PHLPP1: variants seen among roughly 807,000 people sequenced by gnomAD.
PHLPP1 encodes PH domain and leucine rich repeat protein phosphatase 1.
Under a neutral mutation model 117.2 loss-of-function variants are expected in PHLPP1, and 42 were observed. The observed-to-expected ratio is 0.36, with a 90% CI of 0.28 to 0.46. The LOEUF is 0.46. Ranked by LOEUF, PHLPP1 falls within the 20% of genes least tolerant of loss-of-function variation. PHLPP1 has a pLI of 1.00. For missense variants in PHLPP1, 2,084 were observed against 2,241.9 expected (o/e 0.93, Z 1.42); for synonymous variants, 1,042 against 970.7 (o/e 1.07, Z -1.37).
chr18:62,817,394 C>A (rs990337415), intron 1 of PHLPP1, among the ~76,000 whole-genome samples: 1 of 152,026 alleles, frequency 6.6e-6, no homozygotes, highest in African/African-American at 2.4e-5. Flanking sequence ...TAAATACATA[C>A]GTATGTGAAT....
chr18:62,749,646 C>A (rs890757578), intron 1 of PHLPP1, among the ~76,000 whole-genome samples: 1 of 152,206 alleles, frequency 6.6e-6, no homozygotes. Flanking sequence ...CCACCTTCTC[C>A]CTTTGTCCTC....
At chr18:62,765,947 G>A (rs1480486549) in intron 1 of PHLPP1, among the ~76,000 whole-genome samples, 5 of 149,510 alleles carry the variant, frequency 3.3e-5, no homozygotes, top group African/African-American at 1.2e-4. Flanking sequence ...GCAGTGAGCC[G>A]AGATTGCGCC....
At chr18:62,916,605 G>GTGTGTGT (rs1909283535) in intron 9 of PHLPP1, among the ~76,000 whole-genome samples, 1 of 145,768 alleles carries the variant, frequency 6.9e-6, no homozygotes, top group African/African-American at 2.5e-5. Context: ...CAAGAGGGTG[G>GTGTGTGT]GTGTGTGTGT....
At position 62,806,001 on chromosome 18, in the gene PHLPP1, A is replaced by G. The variant is rs141650216; in HGVS notation, c.1577-24034A>G. On this transcript the variant is annotated intron_variant, in intron 1 of 16. Transcript: ENST00000262719. ...TTAAAAGTTCTCTTTTAATAGAAGT[A>G]ATGGTTGTTCTGTTTCTTTTGTAGT... Among the ~76,000 whole-genome samples the G allele has an allele frequency of 5.4e-3, 817 of 152,260 alleles. 12 individuals are homozygous for G. Among genetic ancestry groups the G allele is most frequent in the African/African-American group, 0.018 (768 of 41,548 alleles).
intron 14 of PHLPP1, among the ~76,000 whole-genome samples, chr18:62,964,129 G>A (rs1910842232): frequency 6.6e-6 from 1 of 152,094 alleles, no homozygotes; most frequent in African/African-American, 2.4e-5. Flanking sequence ...ACCTAGACAG[G>A]TAAAGAATCC....
chr18:62,956,562 G>A (rs1910616202), intron 12 of PHLPP1, among the ~76,000 whole-genome samples: 1 of 152,018 alleles, frequency 6.6e-6, no homozygotes, highest in South Asian at 2.1e-4. Flanking sequence ...GAAATGTAAT[G>A]AAATTGCACC....
intron 4 of PHLPP1, among the ~76,000 whole-genome samples, chr18:62,876,566 G>C (rs1265309003): frequency 6.6e-6 from 1 of 152,042 alleles, no homozygotes; most frequent in Non-Finnish European, 1.5e-5. Context: ...CTGAATTGTT[G>C]GTTTTCCCAC....
At chr18:62,918,763 G>A (rs1599120356) in intron 9 of PHLPP1, among the ~76,000 whole-genome samples, 1 of 151,938 alleles carries the variant, frequency 6.6e-6, no homozygotes, top group East Asian at 1.9e-4. Context: ...AAGTTCAAGA[G>A]ACCTATTGCG....
rs916328254 is a variant in PHLPP1, at chr18:62,972,170, G to A, written c.3561-344G>A. Among the ~76,000 whole-genome samples, 4 of 152,336 alleles carry A rather than the reference G, an allele frequency of 2.6e-5. No individual in the cohort carries two copies. In the East Asian group the frequency reaches 5.8e-4, roughly 22 times the overall value. On this transcript the variant is annotated intron_variant, in intron 14 of 16. Transcript: ENST00000262719. Reference sequence around the variant, plus strand: ...TCTATTTTGGCTGGATGTGGAGATTGTGGTTAATAACTGCTTATTGAATGT... The same window carrying A: ...TCTATTTTGGCTGGATGTGGAGATTATGGTTAATAACTGCTTATTGAATGT...
chr18:62,719,175 C>T (rs566872091), intron 1 of PHLPP1, among the ~76,000 whole-genome samples: 2 of 152,262 alleles, frequency 1.3e-5, no homozygotes, highest in South Asian at 4.1e-4. Context: ...TACATATACT[C>T]AGATGTGTGG....
intron 1 of PHLPP1, among the ~76,000 whole-genome samples, chr18:62,818,479 G>C (rs1307294739): frequency 1.3e-5 from 2 of 152,146 alleles, no homozygotes; most frequent in African/African-American, 4.8e-5. Flanking sequence ...AGTGAGCCAA[G>C]ATTGCGTCAC....
intron 1 of PHLPP1, among the ~76,000 whole-genome samples, chr18:62,739,487 C>A (rs1027565248): frequency 6.6e-6 from 1 of 151,916 alleles, no homozygotes; most frequent in Non-Finnish European, 1.5e-5. Flanking sequence ...TACAACAGTT[C>A]ATTGATTGGT....
intron 1 of PHLPP1, among the ~76,000 whole-genome samples, chr18:62,765,592 T>C (rs1444193280): frequency 6.6e-6 from 1 of 152,208 alleles, no homozygotes; most frequent in Non-Finnish European, 1.5e-5. Context: ...TCTCAGCATA[T>C]TGCAGTCTAT....
At chr18:62,932,175 C>T (rs1016345952) in intron 10 of PHLPP1, among the ~76,000 whole-genome samples, 13 of 152,056 alleles carry the variant, frequency 8.5e-5, no homozygotes, top group African/African-American at 3.1e-4. Flanking sequence ...AATTCACATC[C>T]GAATTCTACC....
Position 62,945,222 on chromosome 18 carries a change from C to G in PHLPP1, c.3275C>G (p.Ser1092Cys), listed in dbSNP as rs919812205. The G allele has an allele frequency of 5.0e-6, 8 of 1,611,298 alleles. No individual in the cohort carries two copies. The highest frequency in any genetic ancestry group is 6.8e-6 in the Non-Finnish European group (8 of 1,178,940). ...CRRMHTVIAH[S>C]NCIEVFPEVM... ...CGCATGCACACCGTGATTGCTCACT[C>G]CAACTGCATCGAGGTCTTTCCCGAA... The change falls in exon 12 of 17, where the codon TCC becomes TGC. Residue 1092 changes from serine (S) to cysteine (C), a missense_variant. Ser to Cys is a moderately radical substitution (Grantham distance 112, BLOSUM62 -1). Transcript: ENST00000262719.
chr18:62,903,757 G>A (rs1387652470), intron 7 of PHLPP1, among the ~76,000 whole-genome samples: 4 of 147,062 alleles, frequency 2.7e-5, no homozygotes, highest in African/African-American at 1.0e-4. Flanking sequence ...TTGACAGAGC[G>A]AGACCCTGTC....
chr18:62,932,900 A>T lies in PHLPP1; in HGVS notation c.2961-8818A>T, dbSNP rs566205951. On this transcript the variant is annotated intron_variant, in intron 10 of 16. Coordinates refer to ENST00000262719, the MANE Select transcript of PHLPP1 (RefSeq NM_194449.4). ...TCCAAAAGACTCTCAGACTTGATAA[A>T]CAACTTCAGTAAAGTTTCAGGATTC... Among the ~76,000 whole-genome samples, 3 of 152,350 alleles carry T rather than the reference A, an allele frequency of 2.0e-5. 1 individual carries two copies. In the South Asian group the frequency reaches 6.2e-4, roughly 32 times the overall value.
chr18:62,715,959 C>T lies in PHLPP1; in HGVS notation c.276C>T (p.Arg92=). The change falls in exon 1 of 17, where the codon CGC becomes CGT. Residue 92 remains arginine (R), a synonymous_variant. Coordinates refer to ENST00000262719, the MANE Select transcript of PHLPP1 (RefSeq NM_194449.4). ...PLPGRAGGAG[R]RRRRGAPQPI... is the part of the protein sequence containing the mutation. ...CGGGCAGAGCGGGGGGTGCCGGGCG[C>T]AGGAGGCGGCGCGGGGCGCCCCAGC... 8.3e-7 allele frequency: 1 copy of T among 1,206,618 alleles called. No homozygotes were observed. The highest frequency in any genetic ancestry group is 1.0e-6 in the Non-Finnish European group (1 of 971,968). 74.7% of individuals were successfully genotyped at this position (1,206,618 alleles called of 1,614,324 possible). A position where few individuals can be genotyped will look rare whatever the true frequency, so the allele number is the denominator to read the frequency against.
chr18:62,955,578 C>T (rs922296056), intron 12 of PHLPP1, among the ~76,000 whole-genome samples: 3 of 152,066 alleles, frequency 2.0e-5, no homozygotes, highest in Non-Finnish European at 2.9e-5. Flanking sequence ...AGCAAACAGT[C>T]CTGGGCAGAG....
Sources: gnomAD v4.1 joint callset for allele counts (sites outside exome capture counted in the v4.1 genomes callset) on GRCh38, gnomAD v4.1.1 for gene constraint, MANE v1.5 for transcripts, NCBI Gene and HGNC (gene_info 2026-07-23, HGNC 2026-07-21) for gene names.